Variants in SORCS3 observed in about 807,000 individuals in gnomAD.
SORCS3 encodes the protein sortilin related VPS10 domain containing receptor 3.
In SORCS3, 57 loss-of-function variants were observed where a neutral mutation model predicts 146.3. The ratio of observed to expected loss-of-function variants is 0.39; its 90% CI spans 0.31 to 0.49. The LOEUF is 0.49. SORCS3 is among the 20% of genes least tolerant of loss of function. The pLI, the probability that SORCS3 is intolerant of heterozygous loss-of-function variation, is 0.92. For synonymous variants in SORCS3, 653 were observed against 618.5 expected (o/e 1.06, Z -0.83); for missense variants, 1,341 against 1,575.5 (o/e 0.85, Z 2.52).
chr10:104,720,147 C>T lies in SORCS3; in HGVS notation c.627+78193C>T, dbSNP rs560103088. On this transcript the variant is annotated intron_variant, in intron 1 of 26. Transcript: ENST00000369701. ...CCCCTTCCCCCGACCCCACAACAGGCCCCAGTGTGTCATGTTCCCCTTCCT... is the reference window on the plus strand; with the variant it reads ...CCCCTTCCCCCGACCCCACAACAGGTCCCAGTGTGTCATGTTCCCCTTCCT... Among the ~76,000 whole-genome samples the T allele has an allele frequency of 4.6e-5, 7 of 151,962 alleles. No individual in the cohort carries two copies. In the South Asian group the frequency reaches 1.5e-3, roughly 32 times the overall value.
intron 6 of SORCS3, among the ~76,000 whole-genome samples, chr10:105,100,942 A>G (rs929037718): frequency 1.1e-4 from 17 of 152,232 alleles, no homozygotes; most frequent in African/African-American, 4.1e-4. Context: ...CACCGCTGAA[A>G]AGCCATGCTG....
rs117429235 is a variant in SORCS3, at chr10:105,178,114, G to T, written c.1950G>T (p.Ser650=). 2 of 1,613,330 alleles carry T rather than the reference G, an allele frequency of 1.2e-6. No homozygotes were observed. The highest frequency in any genetic ancestry group is 1.7e-6 in the Non-Finnish European group (2 of 1,179,696). Residue 650 remains serine (S), a synonymous_variant, in exon 14 of 27, where the codon TCG becomes TCT. Coordinates refer to ENST00000369701, the MANE Select transcript of SORCS3 (RefSeq NM_014978.3). ...GHSWDKYGFT[S]VPLFVDGALV... is the part of the protein sequence containing the mutation. The stretch of plus-strand genomic sequence containing the variant: ...CTTGGGACAAGTATGGTTTCACTTC[G>T]GTTCCTCTCTTTGTTGACGGGGCTC...
At position 105,139,260 on chromosome 10, in the gene SORCS3, AC is replaced by A. The variant is rs1437334149; in HGVS notation, c.1213-134del. 7.3e-6 allele frequency: 5 copies of A among 684,216 alleles called. No homozygotes were observed. The East Asian group carries it at 1.3e-4, about 18-fold the overall frequency. 42.4% of individuals were successfully genotyped at this position (684,216 alleles called of 1,614,324 possible). Reference sequence around the variant, plus strand: ...AACTCAGAGTGCCATGGGATTAGAGACCCAAAGCCAGCAAGGAATATTCTCT... The same window carrying A: ...AACTCAGAGTGCCATGGGATTAGAGACCAAAGCCAGCAAGGAATATTCTCT... On this transcript the variant is annotated intron_variant, in intron 7 of 26. Coordinates refer to ENST00000369701, the MANE Select transcript of SORCS3 (RefSeq NM_014978.3).
At chr10:105,227,514 AT>A (rs1223731751) in intron 20 of SORCS3, among the ~76,000 whole-genome samples, 2 of 152,190 alleles carry the variant, frequency 1.3e-5, no homozygotes, top group Non-Finnish European at 2.9e-5. Flanking sequence ...AAGAATGTAT[AT>A]TCTCTAGCTC....
intron 19 of SORCS3, among the ~76,000 whole-genome samples, chr10:105,219,599 A>G (rs1185556820): frequency 6.6e-6 from 1 of 152,202 alleles, no homozygotes; most frequent in Admixed American, 6.5e-5. Flanking sequence ...CAGCAATTTC[A>G]GGTCCATGTT....
chr10:104,782,096 T>C (rs181946391), intron 1 of SORCS3, among the ~76,000 whole-genome samples: 2 of 152,314 alleles, frequency 1.3e-5, no homozygotes, highest in Admixed American at 1.3e-4. Flanking sequence ...ACCTAATAAC[T>C]TGGAGCAGGA....
chr10:104,909,430 A>G (rs890057747), intron 2 of SORCS3, among the ~76,000 whole-genome samples: 5 of 152,096 alleles, frequency 3.3e-5, no homozygotes, highest in Non-Finnish European at 7.4e-5. Flanking sequence ...TTGTTTGCCA[A>G]TTTTAGATTG....
intron 7 of SORCS3, among the ~76,000 whole-genome samples, chr10:105,109,988 T>C (rs2055848905): frequency 6.6e-6 from 1 of 151,996 alleles, no homozygotes; most frequent in African/African-American, 2.4e-5. Context: ...GTTTTGTAGT[T>C]TTGGTTCCTT....
chr10:104,810,075 A>T (rs534581153), intron 1 of SORCS3, among the ~76,000 whole-genome samples: 36 of 152,348 alleles, frequency 2.4e-4, no homozygotes, highest in Non-Finnish European at 2.2e-4. Context: ...AAGCAGAGCC[A>T]TATGCCACAT....
chr10:105,206,510 G>A (rs969513207), intron 16 of SORCS3, among the ~76,000 whole-genome samples: 1 of 152,196 alleles, frequency 6.6e-6, no homozygotes, highest in Non-Finnish European at 1.5e-5. Flanking sequence ...GCTTCCTGCA[G>A]GAGGTAGTGG....
At chr10:104,849,764 T>C (rs1468541463) in intron 2 of SORCS3, among the ~76,000 whole-genome samples, 1 of 152,242 alleles carries the variant, frequency 6.6e-6, no homozygotes, top group Non-Finnish European at 1.5e-5. Context: ...CATACCCTGT[T>C]AGCTCAGCAG....
Position 105,263,444 on chromosome 10 carries a change from T to TG in SORCS3, c.*72dup. Reference sequence around the variant, plus strand: ...TTGATGATTACTATTACTATTATTATGGAAAAATTAAAATGTCTTTTTTAC... The same window carrying TG: ...TTGATGATTACTATTACTATTATTATGGGAAAAATTAAAATGTCTTTTTTAC... On this transcript the variant is annotated 3_prime_UTR_variant, in exon 27 of 27. Transcript: ENST00000369701. 1.4e-6 allele frequency: 2 copies of TG among 1,449,630 alleles called. No individual in the cohort carries two copies. The highest frequency in any genetic ancestry group is 1.9e-6 in the Non-Finnish European group (2 of 1,043,580). 89.8% of individuals were successfully genotyped at this position (1,449,630 alleles called of 1,614,324 possible).
chr10:105,251,891 T>C (rs1162996462), intron 22 of SORCS3, among the ~76,000 whole-genome samples: 1 of 152,218 alleles, frequency 6.6e-6, no homozygotes, highest in Non-Finnish European at 1.5e-5. Context: ...TTTTCTTCTA[T>C]ATATTTGTAT....
chr10:104,865,880 A>C (rs888035473), intron 2 of SORCS3, among the ~76,000 whole-genome samples: 15 of 152,172 alleles, frequency 9.9e-5, no homozygotes, highest in African/African-American at 3.4e-4. Context: ...ATAGTACTTC[A>C]CTCACAGAGG....
chr10:104,991,746 AC>A, intron 4 of SORCS3, among the ~76,000 whole-genome samples: 1 of 151,944 alleles, frequency 6.6e-6, no homozygotes, highest in African/African-American at 2.4e-5. Context: ...TGATCCGCCC[AC>A]CTTGGCCTCC....
intron 7 of SORCS3, among the ~76,000 whole-genome samples, chr10:105,106,115 C>CAA (rs922739822): frequency 6.6e-6 from 1 of 152,058 alleles, no homozygotes; most frequent in Non-Finnish European, 1.5e-5. Context: ...CAAAACAGGA[C>CAA]AAAAATAAGG....
intron 3 of SORCS3, among the ~76,000 whole-genome samples, chr10:104,931,200 C>T (rs1428655389): frequency 6.6e-6 from 1 of 152,208 alleles, no homozygotes; most frequent in Admixed American, 6.5e-5. Flanking sequence ...CAAAGTTACA[C>T]AGCCACTTGA....
chr10:104,706,198 C>CTTT (rs1215766842), intron 1 of SORCS3, among the ~76,000 whole-genome samples: 24 of 121,440 alleles, frequency 2.0e-4, no homozygotes, highest in African/African-American at 7.2e-4. Flanking sequence ...TTCTTTTCTT[C>CTTT]TTCTTTTTTT....
At chr10:105,046,582 T>G (rs2133707221) in intron 5 of SORCS3, among the ~76,000 whole-genome samples, 1 of 152,228 alleles carries the variant, frequency 6.6e-6, no homozygotes, top group Admixed American at 6.5e-5. Context: ...TTGTAAGGAG[T>G]TATCATTATT....
Sources: allele counts gnomAD v4.1 joint callset (sites outside exome capture counted in the v4.1 genomes callset), GRCh38; gene constraint gnomAD v4.1.1; transcripts MANE v1.5; gene names NCBI Gene and HGNC (gene_info 2026-07-23, HGNC 2026-07-21).